Variants in PHAF1 observed in about 807,000 individuals in gnomAD.
PHAF1 encodes phagosome assembly factor 1.
Under a neutral mutation model 63.1 loss-of-function variants are expected in PHAF1, and 23 were observed. The ratio of observed to expected loss-of-function variants is 0.36; its 90% CI spans 0.26 to 0.52. PHAF1 has a LOEUF of 0.52. Ranked by LOEUF, PHAF1 falls within the 20% of genes least tolerant of loss-of-function variation. The pLI is 0.93. For synonymous variants in PHAF1, 167 were observed against 185.0 expected, an observed-to-expected ratio of 0.90 and a Z score of 0.79; for missense variants, 427 against 517.2, an observed-to-expected ratio of 0.83 and a Z score of 1.69.
intron 3 of PHAF1, among the ~76,000 whole-genome samples, chr16:67,128,917 G>A (rs1963290165): frequency 6.6e-6 from 1 of 152,212 alleles, no homozygotes; most frequent in Non-Finnish European, 1.5e-5. Context: ...CAGGTGGGGT[G>A]CCAGTGATAC....
rs2030186586 is a variant in PHAF1, at chr16:67,147,306, A to G, written c.*175A>G. 1.7e-6 allele frequency: 1 copy of G among 592,508 alleles called. No homozygotes were observed. The highest frequency in any genetic ancestry group is 3.0e-6 in the Non-Finnish European group (1 of 337,684). 36.7% of individuals were successfully genotyped at this position (592,508 alleles called of 1,614,324 possible). On this transcript the variant is annotated 3_prime_UTR_variant, in exon 16 of 16. Coordinates refer to ENST00000219139, the MANE Select transcript of PHAF1 (RefSeq NM_025187.5). Reference sequence around the variant, plus strand: ...CTCTGCCATGGGCTGAGTGGCCCAGATATTCTTCTGTCCATCTTTGGCCTG... The same window carrying G: ...CTCTGCCATGGGCTGAGTGGCCCAGGTATTCTTCTGTCCATCTTTGGCCTG...
At chr16:67,121,194 CT>C (rs558148750) in intron 2 of PHAF1, among the ~76,000 whole-genome samples, 245 of 142,548 alleles carry the variant, frequency 1.7e-3, no homozygotes, top group Non-Finnish European at 1.9e-3. Flanking sequence ...GCAGGGGTTT[CT>C]TTTTTTTTTT....
intron 4 of PHAF1, among the ~76,000 whole-genome samples, chr16:67,131,587 A>C (rs964482613): frequency 2.6e-5 from 4 of 152,248 alleles, no homozygotes; most frequent in Admixed American, 6.5e-5. Context: ...ACCTCAGCTC[A>C]GAGGTGATGT....
chr16:67,127,511 T>C (rs920739339), intron 3 of PHAF1, among the ~76,000 whole-genome samples: 1 of 152,090 alleles, frequency 6.6e-6, no homozygotes, highest in Admixed American at 6.5e-5. Flanking sequence ...TAATCACAAA[T>C]TGGAGCCGGG....
At chr16:67,134,842 T>G in intron 8 of PHAF1, 1 of 395,784 alleles carries the variant, frequency 2.5e-6, no homozygotes, top group Non-Finnish European at 5.0e-6. Flanking sequence ...GACCTTCTAA[T>G]ACCATCACCT....
At chr16:67,114,502 G>T (rs1406326624) in intron 1 of PHAF1, among the ~76,000 whole-genome samples, 1 of 150,518 alleles carries the variant, frequency 6.6e-6, no homozygotes, top group Non-Finnish European at 1.5e-5. Flanking sequence ...TGACCTAGGG[G>T]TTCAGAGAAG....
intron 3 of PHAF1, among the ~76,000 whole-genome samples, chr16:67,129,741 C>T (rs1361181526): frequency 6.6e-6 from 1 of 152,236 alleles, no homozygotes; most frequent in African/African-American, 2.4e-5. Context: ...GACACCATTG[C>T]ATGGAGGACT....
chr16:67,126,691 C>G (rs1304350560), intron 3 of PHAF1, among the ~76,000 whole-genome samples: 1 of 149,332 alleles, frequency 6.7e-6, no homozygotes, highest in South Asian at 2.1e-4. Flanking sequence ...TGGGTTCAAG[C>G]GATTCTTCTG....
intron 8 of PHAF1, 64 bp from the exon 9 acceptor site, chr16:67,139,920 G>T: frequency 6.3e-7 from 1 of 1,595,894 alleles, no homozygotes; most frequent in South Asian, 1.1e-5. Flanking sequence ...CTTCTCTGGG[G>T]CCCCCAGAGA....
chr16:67,147,180 C>T lies in PHAF1; in HGVS notation c.*49C>T. The T allele has an allele frequency of 6.6e-7, 1 of 1,517,936 alleles. No homozygotes were observed. Among genetic ancestry groups the T allele is most frequent in the East Asian group, 2.3e-5 (1 of 44,358 alleles). 94.0% of individuals were successfully genotyped at this position (1,517,936 alleles called of 1,614,324 possible). On this transcript the variant is annotated 3_prime_UTR_variant, in exon 16 of 16. Coordinates refer to ENST00000219139, the MANE Select transcript of PHAF1 (RefSeq NM_025187.5). ...TGTCCCGTGGAACTGTGCATCACAT[C>T]CTGCTCAGTGGGCCTCTGTACCACC...
At chr16:67,139,932 G>A in intron 8 of PHAF1, 52 bp from the exon 9 acceptor site, 2 of 1,606,870 alleles carry the variant, frequency 1.2e-6, no homozygotes, top group Non-Finnish European at 1.7e-6. Context: ...CCCCAGAGAG[G>A]GTCTCTGGTC....
In PHAF1 at chr16:67,120,118, C is replaced by G; in HGVS notation, c.71C>G (p.Pro24Arg). 1.2e-6 allele frequency: 2 copies of G among 1,613,668 alleles called. No homozygotes were observed. The highest frequency in any genetic ancestry group is 1.7e-6 in the Non-Finnish European group (2 of 1,179,848). Residue 24 changes from proline to arginine, a missense_variant, in exon 2 of 16, where the codon CCT becomes CGT. By Grantham distance (103) the Pro-to-Arg change is moderately radical. Coordinates refer to ENST00000219139, the MANE Select transcript of PHAF1 (RefSeq NM_025187.5). ...NEQWEFTLGM[P>R]LAQAVAILQK... is the part of the protein sequence containing the mutation. The stretch of plus-strand genomic sequence containing the variant: ...GTGTCTTGCTTTATTTCAGGAATGC[C>G]TCTGGCTCAGGCAGTAGCCATTCTT...
Position 67,132,928 on chromosome 16 carries a change from C to A in PHAF1, c.450+17C>A. On this transcript the variant is annotated intron_variant, in intron 6 of 15. Transcript: ENST00000219139. ...AAGTATGAGGTTAGCCCTTCCTGTC[C>A]CCTGGTGTTTGTTGTATGTGTCTGT... The A allele has an allele frequency of 6.4e-7, 1 of 1,567,462 alleles. No individual in the cohort carries two copies. Among genetic ancestry groups the A allele is most frequent in the Admixed American group, 1.7e-5 (1 of 59,636 alleles).
chr16:67,113,581 C>CTACT (rs1962612516), intron 1 of PHAF1, among the ~76,000 whole-genome samples: 3 of 150,022 alleles, frequency 2.0e-5, no homozygotes, highest in Admixed American at 6.7e-5. Context: ...TCCCAAGTAG[C>CTACT]TGGGACTACA....
intron 5 of PHAF1, 38 bp from the exon 6 acceptor site, chr16:67,132,779 G>C (rs1384312290): frequency 6.5e-7 from 1 of 1,533,038 alleles, no homozygotes; most frequent in Non-Finnish European, 9.0e-7. Flanking sequence ...TCAGATGCCA[G>C]TCAACCATGT....
At chr16:67,115,269 T>C (rs940183363) in intron 1 of PHAF1, among the ~76,000 whole-genome samples, 7 of 152,182 alleles carry the variant, frequency 4.6e-5, no homozygotes, top group African/African-American at 1.7e-4. Flanking sequence ...TCTGTGAGGA[T>C]ATAAGGGAGA....
At chr16:67,142,915 A>G (rs917352290) in intron 10 of PHAF1, among the ~76,000 whole-genome samples, 12 of 152,212 alleles carry the variant, frequency 7.9e-5, no homozygotes, top group African/African-American at 2.9e-4. Flanking sequence ...CAGATGGGCC[A>G]TTGCTGCCAT....
chr16:67,134,851 C>T (rs1176263312), intron 8 of PHAF1: 1 of 381,802 alleles, frequency 2.6e-6, no homozygotes, highest in Non-Finnish European at 5.2e-6. Context: ...ATACCATCAC[C>T]TTGGTGGTTA....
chr16:67,123,038 CT>C (rs1963047389), intron 2 of PHAF1, among the ~76,000 whole-genome samples: 1 of 151,196 alleles, frequency 6.6e-6, no homozygotes, highest in African/African-American at 2.4e-5. Flanking sequence ...CTAGGATAAT[CT>C]TTGGATGAGG....
Sources: gnomAD v4.1 joint callset for allele counts (sites outside exome capture counted in the v4.1 genomes callset) on GRCh38, gnomAD v4.1.1 for gene constraint, MANE v1.5 for transcripts, NCBI Gene and HGNC (gene_info 2026-07-23, HGNC 2026-07-21) for gene names.